The following FYB1 variants were observed in gnomAD, a reference collection of about 807,000 sequenced individuals.
FYB1 encodes FYN-binding protein 1.
FYB1 carries 41 observed loss-of-function variants against 94.1 expected under a neutral mutation model. The observed-to-expected ratio is 0.44, with a 90% CI of 0.34 to 0.57. The LOEUF (loss-of-function observed/expected upper bound fraction) is 0.57, where lower values mean the gene tolerates loss of function less well. FYB1 is among the 20% of genes least tolerant of loss of function. The pLI, the probability that FYB1 is intolerant of heterozygous loss-of-function variation, is 0.02. For synonymous variants in FYB1, 367 were observed against 353.2 expected, an observed-to-expected ratio of 1.04 and a Z score of -0.44; for missense variants, 1,050 against 976.8, an observed-to-expected ratio of 1.07 and a Z score of -1.00.
chr5:39,185,621 TAC>T (rs1211562058), intron 2 of FYB1, among the ~76,000 whole-genome samples: 1 of 139,890 alleles, frequency 7.1e-6, no homozygotes, highest in African/African-American at 2.9e-5. Flanking sequence ...TATATATATA[TAC>T]ACACATATAT....
In FYB1 at chr5:39,159,420, T is replaced by C. The variant is rs187971474; in HGVS notation, c.1136-5816A>G. ...CTATTTGAGTGGACACTTAATGGAATCTCTTATGGTTGCATGGCCACATAC... is the reference window on the plus strand; with the variant it reads ...CTATTTGAGTGGACACTTAATGGAACCTCTTATGGTTGCATGGCCACATAC... On this transcript the variant is annotated intron_variant, in intron 2 of 18. Transcript: ENST00000512982. 1.4e-3 allele frequency among the ~76,000 whole-genome samples: 207 copies of C among 152,286 alleles called. 6 individuals carry two copies. The highest frequency in any genetic ancestry group is 0.011 in the Admixed American group (170 of 15,294).
chr5:39,227,573 A>G (rs1175822497), intron 1 of FYB1, among the ~76,000 whole-genome samples: 6 of 152,246 alleles, frequency 3.9e-5, no homozygotes, highest in Non-Finnish European at 8.8e-5. Flanking sequence ...TTTTCTGTAG[A>G]TTTTAATTTT....
intron 1 of FYB1, among the ~76,000 whole-genome samples, chr5:39,268,635 C>T (rs1752538089): frequency 6.6e-6 from 1 of 152,010 alleles, no homozygotes; most frequent in African/African-American, 2.4e-5. Flanking sequence ...GGCGCGATCT[C>T]GGCCCACTGC....
intron 1 of FYB1, among the ~76,000 whole-genome samples, chr5:39,225,347 T>C (rs980874808): frequency 1.3e-5 from 2 of 152,194 alleles, no homozygotes; most frequent in African/African-American, 2.4e-5. Flanking sequence ...AAGCCCAATA[T>C]AAACAATAAG....
intron 1 of FYB1, among the ~76,000 whole-genome samples, chr5:39,274,127 C>A (rs183454932): frequency 8.0e-4 from 122 of 152,226 alleles, no homozygotes; most frequent in Admixed American, 3.9e-3. Flanking sequence ...GTTTCACCAT[C>A]TTGCCCAGGC....
At chr5:39,265,173 CA>C (rs1266336998) in intron 1 of FYB1, among the ~76,000 whole-genome samples, 1 of 151,502 alleles carries the variant, frequency 6.6e-6, no homozygotes, top group Non-Finnish European at 1.5e-5. Context: ...CCATCTCTAC[CA>C]AAAATACAAA....
chr5:39,120,943 A>G (rs1246474947), intron 14 of FYB1, among the ~76,000 whole-genome samples: 1 of 152,068 alleles, frequency 6.6e-6, no homozygotes, highest in African/African-American at 2.4e-5. Context: ...CGTGAAAGTT[A>G]GAAATGCCCT....
chr5:39,180,419 T>C (rs543289084), intron 2 of FYB1, among the ~76,000 whole-genome samples: 1 of 152,156 alleles, frequency 6.6e-6, no homozygotes, highest in Non-Finnish European at 1.5e-5. Flanking sequence ...CCCATCCTTA[T>C]GTGTTAGGAG....
intron 1 of FYB1, among the ~76,000 whole-genome samples, chr5:39,231,928 A>C (rs1362804): frequency 0.15 from 23,080 of 152,076 alleles, 4,632 homozygotes; most frequent in African/African-American, 0.44. Flanking sequence ...TGAAGTAATA[A>C]TACATTTTTA....
intron 1 of FYB1, among the ~76,000 whole-genome samples, chr5:39,245,027 CTCTTT>C (rs1751406466): frequency 6.6e-6 from 1 of 151,784 alleles, no homozygotes; most frequent in African/African-American, 2.4e-5. Flanking sequence ...TGATTATTTT[CTCTTT>C]TCTTCTTTAT....
chr5:39,155,836 C>T (rs1488597318), intron 2 of FYB1, among the ~76,000 whole-genome samples: 3 of 152,078 alleles, frequency 2.0e-5, no homozygotes, highest in African/African-American at 7.2e-5. Context: ...GTCTGATAAG[C>T]TATTACTTAC....
At chr5:39,175,773 T>C (rs1745665776) in intron 2 of FYB1, among the ~76,000 whole-genome samples, 2 of 152,058 alleles carry the variant, frequency 1.3e-5, no homozygotes, top group Non-Finnish European at 2.9e-5. Flanking sequence ...CAAGGAAGTG[T>C]TTGGAATTGA....
In FYB1 at chr5:39,202,438, C is replaced by T. The variant is rs771550249; in HGVS notation, c.523G>A (p.Gly175Arg). Residue 175 changes from glycine (G) to arginine (R), a missense_variant, in exon 2 of 19, where the codon GGG (glycine) becomes AGG (arginine). Coordinates refer to ENST00000512982, the MANE Select transcript of FYB1 (RefSeq NM_001465.6). ...EQKQAFPKLT[G>R]VKGKFMSASQ... ...GCTGACATAAATTTCCCTTTAACCC[C>T]AGTCAATTTGGGAAACGCTTGCTTC... The T allele has an allele frequency of 6.2e-7, 1 of 1,613,902 alleles. No homozygotes were observed. The highest frequency in any genetic ancestry group is 2.2e-5 in the East Asian group (1 of 44,868).
intron 2 of FYB1, among the ~76,000 whole-genome samples, chr5:39,181,868 T>A (rs545094098): frequency 7.2e-5 from 11 of 152,306 alleles, no homozygotes; most frequent in South Asian, 4.2e-4. Context: ...CTTCCTTTTT[T>A]AATTTTTTTT....
At chr5:39,164,593 T>C (rs752048951) in intron 2 of FYB1, among the ~76,000 whole-genome samples, 1 of 152,054 alleles carries the variant, frequency 6.6e-6, no homozygotes, top group Non-Finnish European at 1.5e-5. Context: ...CCTGGCTAAT[T>C]GTGTATTTTT....
chr5:39,111,399 G>A (rs971427661), intron 16 of FYB1, among the ~76,000 whole-genome samples: 1 of 151,660 alleles, frequency 6.6e-6, no homozygotes, highest in African/African-American at 2.4e-5. Context: ...AAATTATAAG[G>A]AGAAAGCTCA....
At chr5:39,134,421 A>G in intron 8 of FYB1, 72 bp from the exon 9 acceptor site, 1 of 1,253,648 alleles carries the variant, frequency 8.0e-7, no homozygotes, top group Non-Finnish European at 1.1e-6. Flanking sequence ...ATAAAATATC[A>G]ATTGCACATT....
chr5:39,259,771 A>G (rs1752137760), intron 1 of FYB1, among the ~76,000 whole-genome samples: 1 of 152,234 alleles, frequency 6.6e-6, no homozygotes, highest in Admixed American at 6.5e-5. Context: ...TTAGGCAGGA[A>G]CGTGGGGGAT....
intron 1 of FYB1, chr5:39,269,748 T>C: frequency 6.6e-6 from 1 of 152,368 alleles, no homozygotes; most frequent in South Asian, 2.1e-4. Flanking sequence ...GTCTTCTCAC[T>C]GGGGGCTGAC....
Sources: allele counts gnomAD v4.1 joint callset (sites outside exome capture counted in the v4.1 genomes callset), GRCh38; gene constraint gnomAD v4.1.1; transcripts MANE v1.5; gene names NCBI Gene and HGNC (gene_info 2026-07-23, HGNC 2026-07-21).